Variants in ZNF804B observed in about 807,000 individuals in gnomAD.
ZNF804B encodes zinc finger 804B.
Under a neutral mutation model 101.4 loss-of-function variants are expected in ZNF804B, and 80 were observed. That is an observed-to-expected ratio of 0.79 (90% CI 0.66 to 0.95). The LOEUF (loss-of-function observed/expected upper bound fraction) is 0.95, where lower values mean the gene tolerates loss of function less well. ZNF804B is among the 40% of genes least tolerant of loss of function. The probability of loss-of-function intolerance (pLI) is 0.00; values close to 1 mark genes in which losing one functional copy is unlikely to be tolerated. For missense variants in ZNF804B, 1,673 were observed against 1,561.9 expected (o/e 1.07, Z -1.20); for synonymous variants, 622 against 558.8 (o/e 1.11, Z -1.59).
At chr7:89,184,634 G>A (rs1235411381) in intron 1 of ZNF804B, among the ~76,000 whole-genome samples, 7 of 151,934 alleles carry the variant, frequency 4.6e-5, no homozygotes, top group African/African-American at 1.7e-4. Flanking sequence ...TACAGAAATG[G>A]ATTTGATCAC....
chr7:89,195,589 A>G (rs549322214), intron 1 of ZNF804B, among the ~76,000 whole-genome samples: 2 of 151,792 alleles, frequency 1.3e-5, no homozygotes, highest in African/African-American at 2.4e-5. Flanking sequence ...CCCATTCACA[A>G]TTGCTTCAAA....
At chr7:88,787,557 CTG>C (rs1034935332) in intron 1 of ZNF804B, among the ~76,000 whole-genome samples, 4 of 152,248 alleles carry the variant, frequency 2.6e-5, no homozygotes, top group East Asian at 1.9e-4. Flanking sequence ...CTGTTTCAAA[CTG>C]TGAATTCTGT....
intron 1 of ZNF804B, among the ~76,000 whole-genome samples, chr7:88,807,232 T>C (rs1790705506): frequency 6.6e-6 from 1 of 152,202 alleles, no homozygotes; most frequent in Non-Finnish European, 1.5e-5. Context: ...CTATTTGACT[T>C]TCAAGTTAGT....
At chr7:89,157,844 A>G (rs1238471830) in intron 1 of ZNF804B, among the ~76,000 whole-genome samples, 1 of 152,168 alleles carries the variant, frequency 6.6e-6, no homozygotes, top group African/African-American at 2.4e-5. Flanking sequence ...GATTTGAAAA[A>G]TTGCTTTCAA....
chr7:89,208,539 A>G (rs2115670672), intron 1 of ZNF804B, among the ~76,000 whole-genome samples: 1 of 152,350 alleles, frequency 6.6e-6, no homozygotes, highest in Non-Finnish European at 1.5e-5. Flanking sequence ...GCGATTAAGC[A>G]ATAAAGCAGT....
intron 1 of ZNF804B, among the ~76,000 whole-genome samples, chr7:88,973,495 C>G (rs1438252259): frequency 6.6e-6 from 1 of 151,186 alleles, no homozygotes; most frequent in Non-Finnish European, 1.5e-5. Context: ...TGGAAACATA[C>G]TTAACTGTGC....
At chr7:89,032,361 T>G (rs1291098230) in intron 1 of ZNF804B, among the ~76,000 whole-genome samples, 1 of 152,008 alleles carries the variant, frequency 6.6e-6, no homozygotes, top group African/African-American at 2.4e-5. Context: ...TCAGACTCAA[T>G]AAATATTTAA....
intron 1 of ZNF804B, among the ~76,000 whole-genome samples, chr7:88,914,971 T>A (rs1483090853): frequency 3.3e-5 from 5 of 152,182 alleles, no homozygotes; most frequent in African/African-American, 7.2e-5. Flanking sequence ...TGTTCAGATT[T>A]AACTGAATCT....
intron 1 of ZNF804B, among the ~76,000 whole-genome samples, chr7:88,855,702 TG>T (rs1791545027): frequency 6.6e-6 from 1 of 152,244 alleles, no homozygotes; most frequent in Admixed American, 6.5e-5. Flanking sequence ...TGAATGGTAT[TG>T]CCTAGGTTTT....
At chr7:88,804,529 A>G (rs982952892) in intron 1 of ZNF804B, among the ~76,000 whole-genome samples, 2 of 152,044 alleles carry the variant, frequency 1.3e-5, no homozygotes, top group African/African-American at 4.8e-5. Flanking sequence ...TGCAGGACAG[A>G]ACACTAAAGC....
Position 88,999,491 on chromosome 7 carries a change from T to C in ZNF804B, c.109-218664T>C, listed in dbSNP as rs1021833294. Reference sequence around the variant, plus strand: ...TTCATATTTAAAGGGAACTTTTCATTAAACACTTTGTAGTCTACTCTGTCA... The same window carrying C: ...TTCATATTTAAAGGGAACTTTTCATCAAACACTTTGTAGTCTACTCTGTCA... On this transcript the variant is annotated intron_variant, in intron 1 of 3. Coordinates refer to ENST00000333190, the MANE Select transcript of ZNF804B (RefSeq NM_181646.5). 9.9e-5 allele frequency among the ~76,000 whole-genome samples: 15 copies of C among 152,080 alleles called. No individual in the cohort carries two copies. In the East Asian group the frequency reaches 2.9e-3, roughly 29 times the overall value.
chr7:88,965,869 T>C (rs1479983754), intron 1 of ZNF804B, among the ~76,000 whole-genome samples: 1 of 151,528 alleles, frequency 6.6e-6, no homozygotes, highest in Non-Finnish European at 1.5e-5. Context: ...TTCTCAAATG[T>C]CTTTAAAAAG....
At position 89,335,331 on chromosome 7, in the gene ZNF804B, G is replaced by A. The variant is rs267601620; in HGVS notation, c.2349G>A (p.Arg783=). Residue 783 remains arginine, a synonymous_variant, in exon 4 of 4, where the codon AGG becomes AGA. Transcript: ENST00000333190. ...TGCAGTCTGAACCACAGAAAGAGAG[G>A]AACTGCAAATTGTGGGAATCATTTA... ...SQMQSEPQKE[R]NCKLWESFKN... The A allele has an allele frequency of 6.2e-7, 1 of 1,613,660 alleles. No individual in the cohort carries two copies. The highest frequency in any genetic ancestry group is 8.5e-7 in the Non-Finnish European group (1 of 1,179,930).
chr7:89,285,357 C>T (rs969283996), intron 2 of ZNF804B, among the ~76,000 whole-genome samples: 9 of 150,398 alleles, frequency 6.0e-5, no homozygotes, highest in African/African-American at 2.2e-4. Context: ...CCCGTCTCTA[C>T]TAAAAATACA....
At chr7:89,236,863 T>C (rs1264575428) in intron 2 of ZNF804B, among the ~76,000 whole-genome samples, 1 of 152,110 alleles carries the variant, frequency 6.6e-6, no homozygotes, top group Non-Finnish European at 1.5e-5. Context: ...ACTATTGTTT[T>C]CTAATTAATA....
chr7:88,934,265 A>T (rs887025702), intron 1 of ZNF804B, among the ~76,000 whole-genome samples: 3 of 151,952 alleles, frequency 2.0e-5, no homozygotes, highest in African/African-American at 7.2e-5. Context: ...AAATCAGCTC[A>T]ATATGGATCA....
intron 1 of ZNF804B, among the ~76,000 whole-genome samples, chr7:88,851,706 A>G (rs1240292080): frequency 6.6e-6 from 1 of 152,172 alleles, no homozygotes; most frequent in Non-Finnish European, 1.5e-5. Flanking sequence ...ATGGATCAGT[A>G]ACTATATGAG....
chr7:89,212,799 TCTC>T (rs1788825173), intron 1 of ZNF804B, among the ~76,000 whole-genome samples: 2 of 152,050 alleles, frequency 1.3e-5, no homozygotes, highest in Admixed American at 6.6e-5. Flanking sequence ...TTTCAAACCT[TCTC>T]CTGTGTCTAT....
intron 1 of ZNF804B, among the ~76,000 whole-genome samples, chr7:88,813,684 T>C (rs530630977): frequency 2.6e-5 from 4 of 152,298 alleles, no homozygotes; most frequent in Admixed American, 2.6e-4. Flanking sequence ...GTTTATTGTG[T>C]TAAATACTAG....
Sources: gnomAD v4.1 joint callset for allele counts (sites outside exome capture counted in the v4.1 genomes callset) on GRCh38, gnomAD v4.1.1 for gene constraint, MANE v1.5 for transcripts, NCBI Gene and HGNC (gene_info 2026-07-23, HGNC 2026-07-21) for gene names.